NCAPG: variants seen among roughly 807,000 people sequenced by gnomAD.
NCAPG encodes the protein condensin complex subunit 3.
Under a neutral mutation model 113.1 loss-of-function variants are expected in NCAPG, and 69 were observed. The observed-to-expected ratio is 0.61, with a 90% confidence interval of 0.50 to 0.75. The LOEUF (loss-of-function observed/expected upper bound fraction) is 0.75. Ranked by LOEUF, NCAPG falls within the 30% of genes least tolerant of loss-of-function variation. The pLI is 0.00. For synonymous variants in NCAPG, 370 were observed against 415.8 expected, an observed-to-expected ratio of 0.89 and a Z score of 1.34; for missense variants, 1,058 against 1,177.0, an observed-to-expected ratio of 0.90 and a Z score of 1.48.
chr4:17,822,949 A>T, intron 7 of NCAPG, 34 bp from the exon 8 acceptor site: 1 of 1,536,606 alleles, frequency 6.5e-7, no homozygotes, highest in Non-Finnish European at 8.7e-7. Flanking sequence ...ATGTTTCTTA[A>T]AAGATTCTAC....
rs1721254499 is a variant in NCAPG, at chr4:17,817,403, A to T, written c.918A>T (p.Ser306=). 6.2e-7 allele frequency: 1 copy of T among 1,614,138 alleles called. No homozygotes were observed. ...TCTCTGTTCTCAATGCCTTGTTTTCAATAACTCCTCTCAGTGAACTGGTGG... is the reference window on the plus strand; with the variant it reads ...TCTCTGTTCTCAATGCCTTGTTTTCTATAACTCCTCTCAGTGAACTGGTGG... ...VAVSVLNALF[S]ITPLSELVGL... Residue 306 remains serine (S), a synonymous_variant, in exon 6 of 21, where the codon TCA becomes TCT. Transcript: ENST00000251496.
intron 12 of NCAPG, among the ~76,000 whole-genome samples, chr4:17,828,611 A>G (rs1436053332): frequency 6.6e-6 from 1 of 152,146 alleles, no homozygotes; most frequent in Non-Finnish European, 1.5e-5. Flanking sequence ...ACATATTTTA[A>G]AAAATGATTT....
intron 20 of NCAPG, 94 bp downstream of exon 20, chr4:17,842,473 A>C: frequency 1.6e-5 from 15 of 952,140 alleles, no homozygotes; most frequent in Non-Finnish European, 2.5e-5. Flanking sequence ...ATGAGAGAGA[A>C]TATATAACAA....
chr4:17,840,710 C>T lies in NCAPG; in HGVS notation c.2854+17C>T. On this transcript the variant is annotated intron_variant, in intron 19 of 20. Transcript: ENST00000251496. ...CTAACAGAGGTAGTGTGTGGATTGA[C>T]CATCTTTATGATAAAAGTTTTAAAT... 7.0e-7 allele frequency: 1 copy of T among 1,435,578 alleles called. No individual in the cohort carries two copies. Among genetic ancestry groups the T allele is most frequent in the Non-Finnish European group, 9.2e-7 (1 of 1,086,228 alleles). The allele number at this position is 1,435,578 out of a possible 1,614,324, so 88.9% of individuals were successfully genotyped here. A position where few individuals can be genotyped will look rare whatever the true frequency, so the allele number is the denominator to read the frequency against.
Position 17,843,400 on chromosome 4 carries a change from A to C in NCAPG, c.3023A>C (p.Gln1008Pro). The C allele has an allele frequency of 6.2e-7, 1 of 1,611,604 alleles. No homozygotes were observed. The highest frequency in any genetic ancestry group is 1.7e-5 in the Admixed American group (1 of 59,978). ...ALEKSKLNLA[Q>P]FLNEDLS The stretch of plus-strand genomic sequence containing the variant: ...GAAAAAAGTAAACTTAACCTTGCCC[A>C]ATTTCTCAATGAAGATCTAAGTTAG... The change falls in exon 21 of 21, where the codon CAA (glutamine) becomes CCA (proline). Residue 1008 changes from glutamine to proline, a missense_variant. Transcript: ENST00000251496.
chr4:17,817,509 T>C (rs1721261072), intron 6 of NCAPG, 56 bp downstream of exon 6: 1 of 1,458,132 alleles, frequency 6.9e-7, no homozygotes, highest in Non-Finnish European at 9.4e-7. Context: ...TGCAATTAAT[T>C]TGTTTTTTTT....
chr4:17,818,728 A>C (rs1721321803), intron 7 of NCAPG, among the ~76,000 whole-genome samples: 1 of 152,186 alleles, frequency 6.6e-6, no homozygotes, highest in African/African-American at 2.4e-5. Context: ...AAAACTTACT[A>C]TCTAGCTTCA....
At chr4:17,822,417 C>T (rs1424662624) in intron 7 of NCAPG, among the ~76,000 whole-genome samples, 6 of 151,836 alleles carry the variant, frequency 4.0e-5, no homozygotes, top group Non-Finnish European at 8.8e-5. Context: ...GTCTCGAACT[C>T]CTGACCTTGT....
rs1392015931 is a variant in NCAPG, at chr4:17,811,082, G to A, written c.5G>A (p.Gly2Glu). The A allele has an allele frequency of 2.6e-6, 4 of 1,514,192 alleles. No homozygotes were observed. The highest frequency in any genetic ancestry group is 1.8e-4 in the Middle Eastern group (1 of 5,440). 93.8% of individuals were successfully genotyped at this position (1,514,192 alleles called of 1,614,324 possible). The change falls in exon 1 of 21, where the codon GGA (glycine) becomes GAA (glutamate). Residue 2 changes from glycine to glutamate, a missense_variant. Coordinates refer to ENST00000251496, the MANE Select transcript of NCAPG (RefSeq NM_022346.5). The surrounding 1 kb of genome is among the most constrained non-coding windows in gnomAD (Gnocchi z 5.3). ...TCCCGGCAGGGTTCCAGAGCCATGGGAGCGGAAAGGAGGCTGCTGTCGATT... is the reference window on the plus strand; with the variant it reads ...TCCCGGCAGGGTTCCAGAGCCATGGAAGCGGAAAGGAGGCTGCTGTCGATT... M[G>E]AERRLLSIKE...
chr4:17,814,536 T>C (rs533965798), intron 3 of NCAPG, among the ~76,000 whole-genome samples: 1 of 152,362 alleles, frequency 6.6e-6, no homozygotes, highest in East Asian at 1.9e-4. Context: ...CTCAAACTCC[T>C]GGGCTTAAGT....
chr4:17,831,192 T>A, intron 13 of NCAPG, 76 bp downstream of exon 13: 1 of 1,417,764 alleles, frequency 7.1e-7, no homozygotes, highest in Non-Finnish European at 9.6e-7. Flanking sequence ...TACTCTGAAT[T>A]TATCTATTCT....
chr4:17,823,508 A>C lies in NCAPG; in HGVS notation c.1260-139A>C, dbSNP rs1032539588. The C allele has an allele frequency of 4.2e-6, 3 of 715,166 alleles. No individual in the cohort carries two copies. The African/African-American group carries it at 5.5e-5, about 13-fold the overall frequency. The allele number at this position is 715,166 out of a possible 1,614,324, so 44.3% of individuals were successfully genotyped here. ...TATTTGACCTAAAGTCTGTACATAC[A>C]GATTTTTGTACCTATTATAGTGATA... On this transcript the variant is annotated intron_variant, in intron 8 of 20. Transcript: ENST00000251496.
intron 13 of NCAPG, among the ~76,000 whole-genome samples, chr4:17,833,469 A>AAAT (rs1553851011): frequency 3.4e-5 from 5 of 148,914 alleles, no homozygotes; most frequent in African/African-American, 1.0e-4. Context: ...AAAAAAAAAA[A>AAAT]ATATATATAT....
chr4:17,839,937 G>A (rs780946886), intron 17 of NCAPG, 100 bp downstream of exon 17: 1 of 1,438,422 alleles, frequency 7.0e-7, no homozygotes, highest in Non-Finnish European at 9.3e-7. Context: ...AGCATATTGT[G>A]ACTTATTTGA....
chr4:17,842,378 AG>A lies in NCAPG; in HGVS notation c.2924+1del. 6.2e-7 allele frequency: 1 copy of A among 1,611,508 alleles called. No homozygotes were observed. On this transcript the variant is annotated frameshift_variant and splice_region_variant, in exon 20 of 21. Transcript: ENST00000251496. LOFTEE classifies it high-confidence loss of function. ...TCAGACTGCTGAAGCCGACTCTGAA[AG>A]GTATGTCATGCATGTCTAGAATATA... ...RCQTAEADSE[S>X]DHEVPEPESE...
rs1484314468 is a variant in NCAPG, at chr4:17,817,346, G to T, written c.861G>T (p.Arg287=). 1.9e-6 allele frequency: 3 copies of T among 1,613,934 alleles called. No homozygotes were observed. Among genetic ancestry groups the T allele is most frequent in the Admixed American group, 1.7e-5 (1 of 60,004 alleles). The part of the protein sequence containing the change: ...SEGNILELLH[R]LDVENSSEVA... ...GAAATATCTTAGAGTTGCTCCATCG[G>T]TTGGATGTAGAAAATTCTTCTGAAG... is the stretch of plus-strand genomic sequence containing the variant. The change falls in exon 6 of 21, where the codon CGG becomes CGT. Residue 287 remains arginine (R), a synonymous_variant. Coordinates refer to ENST00000251496, the MANE Select transcript of NCAPG (RefSeq NM_022346.5).
chr4:17,828,460 A>G (rs749616393), intron 12 of NCAPG, 72 bp downstream of exon 12: 7 of 778,992 alleles, frequency 9.0e-6, no homozygotes, highest in Non-Finnish European at 1.5e-5. Context: ...TGTTCTTTAG[A>G]AATCAAAATA....
chr4:17,828,511 G>A (rs1721741243), intron 12 of NCAPG, 123 bp downstream of exon 12: 1 of 491,072 alleles, frequency 2.0e-6, no homozygotes, highest in East Asian at 3.4e-5. Context: ...AAGTATAAAT[G>A]ATAAAATATA....
At chr4:17,818,631 A>G (rs1054692179) in intron 7 of NCAPG, among the ~76,000 whole-genome samples, 2 of 152,252 alleles carry the variant, frequency 1.3e-5, no homozygotes, top group East Asian at 1.9e-4. Context: ...CTTGCAAGCT[A>G]TATAACAGGT....
Sources: gnomAD v4.1 joint callset for allele counts (sites outside exome capture counted in the v4.1 genomes callset) on GRCh38, gnomAD v4.1.1 for gene constraint, Gnocchi (gnomAD v3.1) non-coding constraint, MANE v1.5 for transcripts, NCBI Gene and HGNC (gene_info 2026-07-23, HGNC 2026-07-21) for gene names.